SMARCC1: variants seen among roughly 807,000 people sequenced by gnomAD.
The protein encoded by SMARCC1 is SWI/SNF complex subunit SMARCC1.
SMARCC1 carries 43 observed loss-of-function variants against 147.4 expected under a neutral mutation model. The observed-to-expected ratio is 0.29, with a 90% CI of 0.23 to 0.38. SMARCC1 has a LOEUF of 0.38. Ranked by LOEUF, SMARCC1 falls within the 10% of genes least tolerant of loss-of-function variation. SMARCC1 has a pLI of 1.00. For synonymous variants in SMARCC1, 495 were observed against 484.4 expected, an observed-to-expected ratio of 1.02 and a Z score of -0.29; for missense variants, 1,119 against 1,381.1, an observed-to-expected ratio of 0.81 and a Z score of 3.01.
intron 21 of SMARCC1, among the ~76,000 whole-genome samples, chr3:47,647,147 G>A (rs536502706): frequency 6.6e-6 from 1 of 152,306 alleles, no homozygotes; most frequent in East Asian, 1.9e-4. Flanking sequence ...GAATGCACTC[G>A]TGAATTCTTT....
At chr3:47,631,692 T>A (rs1241831934) in intron 24 of SMARCC1, among the ~76,000 whole-genome samples, 1 of 152,216 alleles carries the variant, frequency 6.6e-6, no homozygotes, top group Non-Finnish European at 1.5e-5. Flanking sequence ...GAGATAGACC[T>A]AGAACCTCTA....
At chr3:47,754,665 A>C (rs1053790653) in intron 2 of SMARCC1, among the ~76,000 whole-genome samples, 12 of 152,178 alleles carry the variant, frequency 7.9e-5, no homozygotes, top group Admixed American at 4.6e-4. Context: ...TCCTAGAAAG[A>C]AAGCAAATCC....
At chr3:47,706,265 TTTCACC>T in intron 10 of SMARCC1, 138 bp downstream of exon 10, 1 of 647,118 alleles carries the variant, frequency 1.5e-6, no homozygotes, top group Non-Finnish European at 2.3e-6. Flanking sequence ...AGAGACGAGG[TTTCACC>T]ATGTTGGCCA....
At position 47,588,244 on chromosome 3, in the gene SMARCC1, G is replaced by A. The variant is rs771101372; in HGVS notation, c.3283C>T (p.Pro1095Ser). 2.1e-5 allele frequency: 34 copies of A among 1,613,822 alleles called. No homozygotes were observed. The highest frequency in any genetic ancestry group is 2.6e-5 in the Non-Finnish European group (31 of 1,179,918). The change falls in exon 28 of 28, where the codon CCT (proline) becomes TCT (serine). Residue 1095 changes from proline to serine, a missense_variant. Pro to Ser is a moderately conservative substitution (Grantham distance 74, BLOSUM62 -1). Coordinates refer to ENST00000254480, the MANE Select transcript of SMARCC1 (RefSeq NM_003074.4). ...GCTGAGGCTGGCGGGCCAGGAGCAG[G>A]AGGCGGAGGGACCCCATCTGCAGGT... Reference protein sequence around the residue: ...PPPADGVPPPPAPGPPASAAP With the variant: ...PPPADGVPPPSAPGPPASAAP
At chr3:47,664,730 G>C (rs534660225) in intron 19 of SMARCC1, among the ~76,000 whole-genome samples, 2 of 152,220 alleles carry the variant, frequency 1.3e-5, no homozygotes, top group Non-Finnish European at 2.9e-5. Flanking sequence ...GAGGACACTG[G>C]CAATGTCTGC....
At chr3:47,668,412 AG>A (rs1238191467) in intron 19 of SMARCC1, among the ~76,000 whole-genome samples, 1 of 152,178 alleles carries the variant, frequency 6.6e-6, no homozygotes, top group African/African-American at 2.4e-5. Flanking sequence ...TACCGATTAA[AG>A]ATTTTTCTTT....
intron 15 of SMARCC1, among the ~76,000 whole-genome samples, chr3:47,678,687 G>A (rs2033602323): frequency 6.6e-6 from 1 of 152,198 alleles, no homozygotes; most frequent in Non-Finnish European, 1.5e-5. Flanking sequence ...AGCAATGTAT[G>A]TCTGACAATT....
rs549291317 is a variant in SMARCC1, at chr3:47,671,044, G to A, written c.1840-327C>T. On this transcript the variant is annotated intron_variant, in intron 18 of 27. Coordinates refer to ENST00000254480, the MANE Select transcript of SMARCC1 (RefSeq NM_003074.4). ...TACTAAAAATACAAAAATTAGCCGA[G>A]AGTGGTGGTTCATGCCTATAGTCCC... Among the ~76,000 whole-genome samples, 11 of 151,544 alleles carry A rather than the reference G, an allele frequency of 7.3e-5. 1 individual carries two copies. In the South Asian group the frequency reaches 2.3e-3, roughly 32 times the overall value.
chr3:47,764,822 A>G (rs993989089), intron 2 of SMARCC1, among the ~76,000 whole-genome samples: 14 of 152,204 alleles, frequency 9.2e-5, no homozygotes, highest in African/African-American at 3.4e-4. Flanking sequence ...TGTTTTCTCC[A>G]TGTTGGCAAA....
intron 1 of SMARCC1, among the ~76,000 whole-genome samples, chr3:47,778,377 C>A (rs1012696121): frequency 6.6e-6 from 1 of 151,904 alleles, no homozygotes; most frequent in African/African-American, 2.4e-5. Context: ...GGTGCCAACA[C>A]AGTTCACCGC....
intron 19 of SMARCC1, 130 bp downstream of exon 19, chr3:47,670,528 G>A (rs1052665864): frequency 2.9e-6 from 2 of 684,852 alleles, no homozygotes; most frequent in Non-Finnish European, 2.7e-6. Flanking sequence ...AGGCTGCACT[G>A]AGCTACCATC....
At chr3:47,729,209 T>C in intron 5 of SMARCC1, 115 bp from the exon 6 acceptor site, 1 of 642,570 alleles carries the variant, frequency 1.6e-6, no homozygotes, top group Non-Finnish European at 2.6e-6. Flanking sequence ...ATAGACTTTA[T>C]ATAAAAAAGA....
chr3:47,679,655 A>T (rs991789635), intron 15 of SMARCC1, among the ~76,000 whole-genome samples: 18 of 152,284 alleles, frequency 1.2e-4, no homozygotes, highest in African/African-American at 4.1e-4. Context: ...TGAGGTCAGG[A>T]GTTCGAGACA....
rs2035056220 is a variant in SMARCC1, at chr3:47,781,892, C to G, written c.-95G>C. ...CGCACCCCCGCGCGCGTAGCCGCCA[C>G]TGCCGCTTCCCGGCCCCGCCCAGCC... On this transcript the variant is annotated 5_prime_UTR_variant, in exon 1 of 28. Coordinates refer to ENST00000254480, the MANE Select transcript of SMARCC1 (RefSeq NM_003074.4). 10 of 858,672 alleles carry G rather than the reference C, an allele frequency of 1.2e-5. No homozygotes were observed. Among genetic ancestry groups the G allele is most frequent in the Non-Finnish European group, 1.5e-5 (10 of 646,302 alleles). 53.2% of individuals were successfully genotyped at this position (858,672 alleles called of 1,614,324 possible). A position where few individuals can be genotyped will look rare whatever the true frequency, so the allele number is the denominator to read the frequency against.
chr3:47,600,997 A>T (rs892359633), intron 26 of SMARCC1, among the ~76,000 whole-genome samples: 1 of 28,884 alleles, frequency 3.5e-5, no homozygotes, highest in East Asian at 1.0e-3. Context: ...GAGGAAGAAA[A>T]TGAGAGAGAG....
At chr3:47,763,960 C>T (rs1235422847) in intron 2 of SMARCC1, among the ~76,000 whole-genome samples, 1 of 151,952 alleles carries the variant, frequency 6.6e-6, no homozygotes, top group African/African-American at 2.4e-5. Flanking sequence ...CTCAAGGACT[C>T]CTCTAGCCTC....
At chr3:47,701,712 A>G (rs2030596) in intron 10 of SMARCC1, 151,823 of 250,168 alleles carry the variant, frequency 0.61, 48,244 homozygotes, top group East Asian at 0.71. Context: ...TGCTCAGCAG[A>G]CTGAGGTAGG....
intron 6 of SMARCC1, among the ~76,000 whole-genome samples, chr3:47,727,622 T>A (rs550188619): frequency 6.6e-6 from 1 of 152,264 alleles, no homozygotes; most frequent in Admixed American, 6.5e-5. Flanking sequence ...TTTTTGTTTT[T>A]TTTTTTAGGT....
At chr3:47,663,879 C>T in intron 19 of SMARCC1, 15 of 1,510,906 alleles carry the variant, frequency 9.9e-6, no homozygotes, top group Non-Finnish European at 1.3e-5. Context: ...CAGGGTTTCA[C>T]GGTCACAGCC....
Sources: gnomAD v4.1 joint callset for allele counts (sites outside exome capture counted in the v4.1 genomes callset) on GRCh38, gnomAD v4.1.1 for gene constraint, MANE v1.5 for transcripts, NCBI Gene and HGNC (gene_info 2026-07-23, HGNC 2026-07-21) for gene names.